Variants in TRAPPC9 observed in about 807,000 individuals in gnomAD.
TRAPPC9 encodes trafficking protein particle complex subunit 9, also known as IKK2 binding protein.
A neutral mutation model predicts 124.0 loss-of-function variants in TRAPPC9; 83 were observed. That is an observed-to-expected ratio of 0.67 (90% CI 0.56 to 0.80). The LOEUF (loss-of-function observed/expected upper bound fraction) is 0.80, where lower values mean the gene tolerates loss of function less well. Among genes scored for constraint, TRAPPC9 ranks in the 30% least tolerant of loss-of-function variants. TRAPPC9 has a pLI of 0.00. For missense variants in TRAPPC9, 1,302 were observed against 1,508.3 expected, an observed-to-expected ratio of 0.86 and a Z score of 2.27; for synonymous variants, 638 against 617.5, an observed-to-expected ratio of 1.03 and a Z score of -0.49.
Position 140,405,568 on chromosome 8 carries a change from T to C in TRAPPC9, c.1008+9A>G. 6.2e-7 allele frequency: 1 copy of C among 1,614,028 alleles called. No individual in the cohort carries two copies. The highest frequency in any genetic ancestry group is 8.5e-7 in the Non-Finnish European group (1 of 1,179,944). On this transcript the variant is annotated intron_variant, in intron 6 of 22. Coordinates refer to ENST00000438773, the MANE Select transcript of TRAPPC9 (RefSeq NM_001160372.4). The stretch of plus-strand genomic sequence containing the variant: ...CTGTGTAAAAAAAATCACAAAGCCA[T>C]AAAATCACCTTGCTGTAATAGGAAA...
intron 19 of TRAPPC9, among the ~76,000 whole-genome samples, chr8:139,974,284 C>G (rs976123582): frequency 1.3e-5 from 2 of 152,194 alleles, no homozygotes; most frequent in East Asian, 3.8e-4. Flanking sequence ...AAATGGAAAG[C>G]TAGTAGAATC....
At chr8:139,859,039 G>T (rs1032797560) in intron 21 of TRAPPC9, among the ~76,000 whole-genome samples, 1 of 151,134 alleles carries the variant, frequency 6.6e-6, no homozygotes, top group African/African-American at 2.4e-5. Context: ...CACAGCAGAC[G>T]CTGCCCTTTC....
chr8:139,847,431 C>T (rs1827154602), intron 21 of TRAPPC9, among the ~76,000 whole-genome samples: 1 of 152,244 alleles, frequency 6.6e-6, no homozygotes, highest in South Asian at 2.1e-4. Flanking sequence ...CCACTCCTCA[C>T]CCAAATGCAC....
At chr8:140,327,983 G>A (rs1003218423) in intron 9 of TRAPPC9, among the ~76,000 whole-genome samples, 14 of 152,270 alleles carry the variant, frequency 9.2e-5, no homozygotes, top group Non-Finnish European at 1.3e-4. Context: ...GGCCGGGCGC[G>A]GTGGCTCACG....
At chr8:140,038,060 G>A (rs1449777756) in intron 17 of TRAPPC9, among the ~76,000 whole-genome samples, 1 of 150,530 alleles carries the variant, frequency 6.6e-6, no homozygotes, top group Non-Finnish European at 1.5e-5. Context: ...ACTCTCTCTG[G>A]TACTCCCTGC....
intron 5 of TRAPPC9, among the ~76,000 whole-genome samples, chr8:140,412,421 A>C (rs1187402560): frequency 7.2e-5 from 11 of 152,220 alleles, no homozygotes; most frequent in Non-Finnish European, 1.3e-4. Flanking sequence ...CAGGAAATAG[A>C]ACTGCTGTAT....
upstream of TRAPPC9, chr8:140,458,219 A>G: frequency 6.4e-7 from 1 of 1,550,436 alleles, no homozygotes; most frequent in Non-Finnish European, 8.7e-7. Flanking sequence ...GACTAGGAGG[A>G]AAGCTTCTGC....
intron 17 of TRAPPC9, among the ~76,000 whole-genome samples, chr8:140,126,075 C>T (rs1189801129): frequency 6.6e-6 from 1 of 152,050 alleles, no homozygotes; most frequent in Non-Finnish European, 1.5e-5. Flanking sequence ...CCAAGCCTGT[C>T]AAATCTCATT....
intron 18 of TRAPPC9, among the ~76,000 whole-genome samples, chr8:139,995,906 T>C (rs1587444178): frequency 7.0e-6 from 1 of 142,854 alleles, no homozygotes; most frequent in Non-Finnish European, 1.5e-5. Flanking sequence ...TCCTCAGTAT[T>C]CAAACAAGAT....
intron 20 of TRAPPC9, among the ~76,000 whole-genome samples, chr8:139,908,981 C>G (rs1311028092): frequency 6.6e-6 from 1 of 152,226 alleles, no homozygotes. Flanking sequence ...CTTCTATCTA[C>G]ATGTAAAGTG....
chr8:140,130,948 A>C (rs2061199336), intron 17 of TRAPPC9, among the ~76,000 whole-genome samples: 1 of 152,214 alleles, frequency 6.6e-6, no homozygotes, highest in African/African-American at 2.4e-5. Context: ...TATTATTCTC[A>C]TCACTGAGGT....
At chr8:139,817,306 C>T (rs1037717288) in intron 21 of TRAPPC9, among the ~76,000 whole-genome samples, 16 of 152,230 alleles carry the variant, frequency 1.1e-4, no homozygotes, top group African/African-American at 3.9e-4. Flanking sequence ...ACATGCCATG[C>T]AGCAGTGGAG....
intron 9 of TRAPPC9, among the ~76,000 whole-genome samples, chr8:140,321,802 G>A (rs1245457666): frequency 4.6e-5 from 7 of 152,300 alleles, no homozygotes; most frequent in African/African-American, 1.7e-4. Flanking sequence ...AGGCAGGACA[G>A]CTAGGAGGAC....
intron 2 of TRAPPC9, among the ~76,000 whole-genome samples, chr8:140,450,343 A>G (rs1345419885): frequency 6.6e-6 from 1 of 152,174 alleles, no homozygotes; most frequent in Non-Finnish European, 1.5e-5. Context: ...CCTGAGAGAC[A>G]GAGTAAGACT....
Position 140,297,098 on chromosome 8 carries a change from G to T in TRAPPC9, c.1768+3371C>A, listed in dbSNP as rs112286354. 2.1e-3 allele frequency among the ~76,000 whole-genome samples: 319 copies of T among 152,322 alleles called. 2 individuals carry two copies. Among genetic ancestry groups the T allele is most frequent in the African/African-American group, 7.3e-3 (305 of 41,578 alleles). ...CCAAAACACAGTGAGGACAGGATTTGTACAGCTCTCTCCTGCTTACCGCAA... is the reference window on the plus strand; with the variant it reads ...CCAAAACACAGTGAGGACAGGATTTTTACAGCTCTCTCCTGCTTACCGCAA... On this transcript the variant is annotated intron_variant, in intron 11 of 22. Transcript: ENST00000438773.
chr8:139,850,788 C>T (rs1827391628), intron 21 of TRAPPC9, among the ~76,000 whole-genome samples: 1 of 152,216 alleles, frequency 6.6e-6, no homozygotes, highest in Non-Finnish European at 1.5e-5. Flanking sequence ...ACTGACCCAT[C>T]TGACCATTGA....
At chr8:140,403,274 T>C (rs2069344858) in intron 6 of TRAPPC9, among the ~76,000 whole-genome samples, 1 of 151,806 alleles carries the variant, frequency 6.6e-6, no homozygotes, top group Non-Finnish European at 1.5e-5. Context: ...ACTAAAAATA[T>C]AAAAAATTAG....
intron 17 of TRAPPC9, among the ~76,000 whole-genome samples, chr8:140,218,909 G>A (rs564352429): frequency 3.9e-5 from 6 of 152,056 alleles, no homozygotes; most frequent in South Asian, 4.2e-4. Context: ...TCAGTGAGCC[G>A]AGATCGCACC....
intron 17 of TRAPPC9, among the ~76,000 whole-genome samples, chr8:140,217,294 C>T (rs1342215129): frequency 1.3e-5 from 2 of 152,070 alleles, no homozygotes; most frequent in African/African-American, 4.8e-5. Context: ...TCCTCTGTGG[C>T]CTTGAGGAGG....
Sources: allele counts gnomAD v4.1 joint callset (sites outside exome capture counted in the v4.1 genomes callset), GRCh38; gene constraint gnomAD v4.1.1; transcripts MANE v1.5; gene names NCBI Gene and HGNC (gene_info 2026-07-23, HGNC 2026-07-21).